DRD3: variants seen among roughly 807,000 people sequenced by gnomAD.
DRD3 encodes the protein D(3) dopamine receptor.
A neutral mutation model predicts 36.3 loss-of-function variants in DRD3; 19 were observed. That is an observed-to-expected ratio of 0.52 (90% CI 0.36 to 0.77). The LOEUF is 0.77. Ranked by LOEUF, DRD3 falls within the 30% of genes least tolerant of loss-of-function variation. The pLI is 0.00. For synonymous variants in DRD3, 195 were observed against 203.7 expected, an observed-to-expected ratio of 0.96 and a Z score of 0.36; for missense variants, 465 against 505.3, an observed-to-expected ratio of 0.92 and a Z score of 0.77.
chr3:114,149,015 G>C (rs324036), intron 3 of DRD3, among the ~76,000 whole-genome samples: 110,490 of 152,152 alleles, frequency 0.73, 43,822 homozygotes, highest in Non-Finnish European at 0.87. Context: ...GCTCAGCCTT[G>C]GTCATTTATT....
intron 2 of DRD3, among the ~76,000 whole-genome samples, chr3:114,166,619 C>T (rs978350781): frequency 6.6e-6 from 1 of 152,158 alleles, no homozygotes. Flanking sequence ...GAAATAAATC[C>T]GTTCTTTGTA....
intron 3 of DRD3, among the ~76,000 whole-genome samples, chr3:114,157,696 C>T (rs566348150): frequency 6.2e-4 from 94 of 152,296 alleles, no homozygotes; most frequent in Admixed American, 1.6e-3. Context: ...GCAAACCAAT[C>T]AGCTAATTGG....
At chr3:114,138,448 G>T (rs1341950347) in intron 5 of DRD3, among the ~76,000 whole-genome samples, 1 of 152,156 alleles carries the variant, frequency 6.6e-6, no homozygotes. Context: ...GCAGACAAGA[G>T]AAAATTTGTG....
chr3:114,166,237 C>T (rs549081329), intron 2 of DRD3, among the ~76,000 whole-genome samples: 2 of 152,132 alleles, frequency 1.3e-5, no homozygotes, highest in Non-Finnish European at 2.9e-5. Context: ...CCACCCACCT[C>T]GGCCTCCCAA....
At chr3:114,164,650 G>A (rs2077765823) in intron 2 of DRD3, among the ~76,000 whole-genome samples, 1 of 152,180 alleles carries the variant, frequency 6.6e-6, no homozygotes, top group African/African-American at 2.4e-5. Flanking sequence ...ATGATCCTGA[G>A]AAATTGTTGT....
chr3:114,148,572 C>T (rs2077589346), intron 3 of DRD3, among the ~76,000 whole-genome samples: 1 of 152,082 alleles, frequency 6.6e-6, no homozygotes, highest in African/African-American at 2.4e-5. Flanking sequence ...AACTCAAACT[C>T]AAGATGTCTA....
intron 1 of DRD3, among the ~76,000 whole-genome samples, chr3:114,195,603 A>G (rs924005169): frequency 2.0e-5 from 3 of 152,202 alleles, no homozygotes; most frequent in Admixed American, 2.0e-4. Flanking sequence ...ATTGACTTTT[A>G]AACGTTATTG....
At chr3:114,166,869 C>G (rs556863300) in intron 2 of DRD3, among the ~76,000 whole-genome samples, 1 of 152,130 alleles carries the variant, frequency 6.6e-6, no homozygotes, top group Non-Finnish European at 1.5e-5. Context: ...CCAAGCCCTT[C>G]CAGCTTTAAT....
At chr3:114,141,498 T>G (rs2077522894) in intron 4 of DRD3, among the ~76,000 whole-genome samples, 1 of 152,164 alleles carries the variant, frequency 6.6e-6, no homozygotes, top group South Asian at 2.1e-4. Flanking sequence ...CCTTTTGAAC[T>G]GAAAGGGAAG....
In DRD3 at chr3:114,193,686, A is replaced by C. The variant is rs914190986; in HGVS notation, c.-156+5587T>G. 7.2e-5 allele frequency among the ~76,000 whole-genome samples: 11 copies of C among 152,278 alleles called. No individual in the cohort carries two copies. In the East Asian group the frequency reaches 1.2e-3, roughly 16 times the overall value. ...AATCACATTTTTTTCCCCAAACGCT[A>C]TCTCTCCTTCTTAGGGATTTTGTGC... is the stretch of plus-strand genomic sequence containing the variant. On this transcript the variant is annotated intron_variant, in intron 1 of 7. Transcript: ENST00000460779.
intron 3 of DRD3, among the ~76,000 whole-genome samples, chr3:114,156,937 CTTT>C (rs2077685970): frequency 7.1e-6 from 1 of 140,098 alleles, no homozygotes; most frequent in Non-Finnish European, 1.5e-5. Context: ...CCTTCTCTTT[CTTT>C]CTTTCTTCCT....
At chr3:114,149,779 A>C (rs1316185431) in intron 3 of DRD3, among the ~76,000 whole-genome samples, 1 of 152,208 alleles carries the variant, frequency 6.6e-6, no homozygotes, top group African/African-American at 2.4e-5. Context: ...GGCTTACAGG[A>C]GCTGAGAACA....
intron 5 of DRD3, among the ~76,000 whole-genome samples, chr3:114,137,719 C>T (rs549305370): frequency 5.3e-5 from 8 of 152,000 alleles, no homozygotes; most frequent in Middle Eastern, 3.4e-3. Context: ...TGGCCGGGCG[C>T]GGTGGCTCAC....
rs1278637088 is a variant in DRD3, at chr3:114,142,078, G to C, written c.527-2382C>G. 2.1e-5 allele frequency among the ~76,000 whole-genome samples: 3 copies of C among 139,632 alleles called. No homozygotes were observed. The South Asian group carries it at 6.9e-4, about 32-fold the overall frequency. 91.6% of individuals were successfully genotyped at this position (139,632 alleles called of 152,430 possible). The stretch of plus-strand genomic sequence containing the variant: ...AAAAAAAAAAAAAAAAAAAAGAAAA[G>C]AAAAGAAAATGGCTCATAGGCTCTG... On this transcript the variant is annotated intron_variant, in intron 4 of 6. Transcript: ENST00000383673.
At chr3:114,171,322 A>G (rs2077838950) in intron 2 of DRD3, among the ~76,000 whole-genome samples, 1 of 151,826 alleles carries the variant, frequency 6.6e-6, no homozygotes, top group South Asian at 2.1e-4. Flanking sequence ...TCCTGGCCTC[A>G]CATCCCTCCT....
At chr3:114,196,941 A>T (rs1178822431) in intron 1 of DRD3, among the ~76,000 whole-genome samples, 3 of 150,062 alleles carry the variant, frequency 2.0e-5, no homozygotes, top group African/African-American at 7.3e-5. Context: ...CTTTTTATGC[A>T]CCTAATAGTC....
intron 3 of DRD3, among the ~76,000 whole-genome samples, chr3:114,149,752 T>G (rs1252651625): frequency 6.6e-6 from 1 of 152,220 alleles, no homozygotes; most frequent in Non-Finnish European, 1.5e-5. Context: ...AGGGTCATTT[T>G]TTAGGAGATG....
intron 4 of DRD3, among the ~76,000 whole-genome samples, chr3:114,142,251 C>T (rs1372045566): frequency 6.6e-6 from 1 of 152,046 alleles, no homozygotes; most frequent in African/African-American, 2.4e-5. Flanking sequence ...TTTCTGTTGT[C>T]AGCATCTGAC....
At chr3:114,167,986 G>C (rs557127477) in intron 2 of DRD3, among the ~76,000 whole-genome samples, 180 of 152,312 alleles carry the variant, frequency 1.2e-3, no homozygotes, top group South Asian at 2.1e-3. Context: ...AGAGCTGAGA[G>C]AACTGTAGGG....
Sources: gnomAD v4.1 joint callset for allele counts (sites outside exome capture counted in the v4.1 genomes callset) on GRCh38, gnomAD v4.1.1 for gene constraint, MANE v1.5 for transcripts, NCBI Gene and HGNC (gene_info 2026-07-23, HGNC 2026-07-21) for gene names.